Variants in WDR27 observed in about 807,000 individuals in gnomAD.
WDR27 encodes WD repeat-containing protein 27.
Under a neutral mutation model 114.4 loss-of-function variants are expected in WDR27, and 100 were observed. The ratio of observed to expected loss-of-function variants is 0.87; its 90% CI spans 0.74 to 1.03. The LOEUF is 1.03. Ranked by LOEUF, WDR27 falls within the 50% of genes least tolerant of loss-of-function variation. The pLI is 0.00. For synonymous variants in WDR27, 449 were observed against 423.1 expected (o/e 1.06, Z -0.75); for missense variants, 1,129 against 1,092.9 (o/e 1.03, Z -0.47).
intron 25 of WDR27, among the ~76,000 whole-genome samples, chr6:169,472,509 T>A (rs1167196850): frequency 2.6e-5 from 4 of 152,238 alleles, no homozygotes; most frequent in African/African-American, 9.6e-5. Flanking sequence ...GGGGTAATAA[T>A]ATTACTTATC....
At chr6:169,667,938 C>T in intron 5 of WDR27, 44 bp downstream of exon 5, 2 of 1,551,780 alleles carry the variant, frequency 1.3e-6, no homozygotes, top group Non-Finnish European at 1.7e-6. Context: ...GTTCTTTCCA[C>T]AGCACGTGCC....
chr6:169,608,161 T>C (rs1203273219), intron 22 of WDR27, among the ~76,000 whole-genome samples: 1 of 152,186 alleles, frequency 6.6e-6, no homozygotes, highest in East Asian at 1.9e-4. Context: ...TCCATGGAAC[T>C]AAAAGTAGAT....
intron 12 of WDR27, 111 bp downstream of exon 12, chr6:169,658,975 C>A: frequency 1.4e-6 from 2 of 1,412,516 alleles, no homozygotes; most frequent in Non-Finnish European, 1.9e-6. Context: ...GCGTGAGCCA[C>A]CGCGCCCGGC....
At position 169,465,258 on chromosome 6, in the gene WDR27, C is replaced by CA. The variant is rs56688798; in HGVS notation, c.2646-7625dup. On this transcript the variant is annotated intron_variant, in intron 25 of 25. Transcript: ENST00000448612. ...GGGCAACAAGAGCAAAACTCCATCTCAAAAAAAAAAAAAAAAAAAAAAAGA... is the reference window on the plus strand; with the variant it reads ...GGGCAACAAGAGCAAAACTCCATCTCAAAAAAAAAAAAAAAAAAAAAAAAGA... Among the ~76,000 whole-genome samples the CA allele has an allele frequency of 1.0e-2, 1,007 of 100,976 alleles. 10 individuals are homozygous for CA. Among genetic ancestry groups the CA allele is most frequent in the African/African-American group, 0.028 (624 of 22,202 alleles). 66.2% of individuals were successfully genotyped at this position (100,976 alleles called of 152,430 possible). A position where few individuals can be genotyped will look rare whatever the true frequency, so the allele number is the denominator to read the frequency against.
intron 25 of WDR27, among the ~76,000 whole-genome samples, chr6:169,569,719 C>T (rs1167068622): frequency 2.0e-5 from 3 of 152,146 alleles, no homozygotes; most frequent in Non-Finnish European, 4.4e-5. Context: ...TAAAGCATTG[C>T]AAATGCCTTA....
chr6:169,496,249 G>A (rs1317299346), intron 25 of WDR27, among the ~76,000 whole-genome samples: 2 of 151,860 alleles, frequency 1.3e-5, no homozygotes, highest in Non-Finnish European at 2.9e-5. Flanking sequence ...AATTCAACAC[G>A]CTTTTATGAT....
In WDR27 at chr6:169,665,497, C is replaced by T. The variant is rs1827590617; in HGVS notation, c.772G>A (p.Ala258Thr). The part of the protein sequence containing the change: ...AESRQLVTGC[A>T]DGQLWIFSLM... ...TGTGGCTGTCTCACCTGGCCGTCAG[C>T]ACACCCGGTGACCAGCTGCCTGCTT... The change falls in exon 7 of 26, where the codon GCT (alanine) becomes ACT (threonine). Residue 258 changes from alanine (A) to threonine (T), a missense_variant. Ala to Thr is a moderately conservative substitution (Grantham distance 58). Transcript: ENST00000448612. The T allele has an allele frequency of 6.2e-7, 1 of 1,613,596 alleles. No individual in the cohort carries two copies. The highest frequency in any genetic ancestry group is 8.5e-7 in the Non-Finnish European group (1 of 1,179,632).
chr6:169,552,973 GGTGT>G (rs3975497), intron 25 of WDR27, among the ~76,000 whole-genome samples: 1,783 of 61,690 alleles, frequency 0.029, 58 homozygotes, highest in African/African-American at 0.035. Flanking sequence ...GGGCCTGCCC[GGTGT>G]GTGTGTGTGT....
chr6:169,577,478 C>T (rs531654705), intron 24 of WDR27, among the ~76,000 whole-genome samples: 1 of 150,382 alleles, frequency 6.6e-6, no homozygotes, highest in African/African-American at 2.4e-5. Flanking sequence ...CCAGGTGTAA[C>T]CACAGCGGGC....
At chr6:169,455,862 G>T (rs1018898464), downstream of WDR27, among the ~76,000 whole-genome samples, 4 of 152,140 alleles carry the variant, frequency 2.6e-5, no homozygotes, top group Non-Finnish European at 5.9e-5. Context: ...CCTGATAGAG[G>T]TCTCTAATAG....
rs1214499664 is a variant in WDR27, at chr6:169,613,619, T to G, written c.2261A>C (p.Asn754Thr). 1 of 1,613,782 alleles carries G rather than the reference T, an allele frequency of 6.2e-7. No individual in the cohort carries two copies. The highest frequency in any genetic ancestry group is 1.7e-5 in the Admixed American group (1 of 60,014). Reference sequence around the variant, plus strand: ...GCCAATGGCCGTGGTCAGGAAAAGGTTATAAGCCTGAGGCTGTTGGGTTGT... The same window carrying G: ...GCCAATGGCCGTGGTCAGGAAAAGGGTATAAGCCTGAGGCTGTTGGGTTGT... ...SFTTQQPQAY[N>T]LFLTTAIGDG... is the part of the protein sequence containing the mutation. The change falls in exon 22 of 26, where the codon AAC (asparagine) becomes ACC (threonine). Residue 754 changes from asparagine to threonine, a missense_variant. By Grantham distance (65) the Asn-to-Thr change is moderately conservative. Transcript: ENST00000448612.
At chr6:169,542,565 G>T (rs879406754) in intron 25 of WDR27, among the ~76,000 whole-genome samples, 3 of 152,110 alleles carry the variant, frequency 2.0e-5, no homozygotes, top group Non-Finnish European at 4.4e-5. Flanking sequence ...GAGGAAAATG[G>T]TGACAAAGCA....
At chr6:169,613,029 C>T (rs1245945092) in intron 22 of WDR27, among the ~76,000 whole-genome samples, 2 of 152,202 alleles carry the variant, frequency 1.3e-5, no homozygotes, top group Non-Finnish European at 2.9e-5. Flanking sequence ...AACTAAGGTG[C>T]TTTCTAACTT....
intron 13 of WDR27, among the ~76,000 whole-genome samples, chr6:169,656,513 G>A (rs971976277): frequency 3.3e-5 from 5 of 152,096 alleles, no homozygotes; most frequent in Non-Finnish European, 7.4e-5. Flanking sequence ...CAGGCGGGGT[G>A]GGGGGAAAGC....
In WDR27 at chr6:169,672,254, C is replaced by T. The variant is rs771863948; in HGVS notation, c.331+1G>A. 150 of 1,610,876 alleles carry T rather than the reference C, an allele frequency of 9.3e-5. No homozygotes were observed. Among genetic ancestry groups the T allele is most frequent in the Non-Finnish European group, 1.2e-4 (146 of 1,178,986 alleles). ...AAAACATGTTTTAGATTTTCATTTA[C>T]CTTGAAGTACTTTCTCTCTACATTC... On this transcript the variant is annotated splice_donor_variant, in intron 3 of 25. Coordinates refer to ENST00000448612, the MANE Select transcript of WDR27 (RefSeq NM_182552.5). LOFTEE classifies it high-confidence loss of function.
chr6:169,465,387 C>A (rs1450338698), intron 25 of WDR27, among the ~76,000 whole-genome samples: 2 of 148,556 alleles, frequency 1.3e-5, no homozygotes, highest in Admixed American at 6.7e-5. Flanking sequence ...ATTAAAAAAA[C>A]AAAATAAAAA....
intron 12 of WDR27, 73 bp from the exon 13 acceptor site, chr6:169,658,431 A>G (rs1431835449): frequency 4.4e-6 from 5 of 1,129,064 alleles, no homozygotes; most frequent in Non-Finnish European, 3.9e-6. Flanking sequence ...AGTGACACAC[A>G]CTTTAAAGAC....
intron 25 of WDR27, among the ~76,000 whole-genome samples, chr6:169,550,592 T>C (rs1797970201): frequency 6.6e-6 from 1 of 151,674 alleles, no homozygotes; most frequent in African/African-American, 2.4e-5. Context: ...GGCTAGTTTT[T>C]GTATTTTTAG....
At chr6:169,682,100 G>A (rs546215248) in intron 2 of WDR27, among the ~76,000 whole-genome samples, 1 of 152,120 alleles carries the variant, frequency 6.6e-6, no homozygotes, top group African/African-American at 2.4e-5. Flanking sequence ...ATCCCAGACG[G>A]GCCCAATCTC....
Sources: gnomAD v4.1 joint callset for allele counts (sites outside exome capture counted in the v4.1 genomes callset) on GRCh38, gnomAD v4.1.1 for gene constraint, MANE v1.5 for transcripts, NCBI Gene and HGNC (gene_info 2026-07-23, HGNC 2026-07-21) for gene names.